The following ZNF462 variants were observed in gnomAD, a reference collection of about 807,000 sequenced individuals.
The protein encoded by ZNF462 is zinc finger PBX1-interacting protein.
A neutral mutation model predicts 201.9 loss-of-function variants in ZNF462; 10 were observed. That is an observed-to-expected ratio of 0.05 (90% CI 0.03 to 0.08). The LOEUF (loss-of-function observed/expected upper bound fraction) is 0.08. ZNF462 is among the 10% of genes least tolerant of loss of function. The probability of loss-of-function intolerance (pLI) is 1.00; values close to 1 mark genes in which losing one functional copy is unlikely to be tolerated. For missense variants in ZNF462, 2,523 were observed against 3,168.3 expected (o/e 0.80, Z 4.89); for synonymous variants, 1,227 against 1,193.3 (o/e 1.03, Z -0.58).
At position 106,932,173 on chromosome 9, in the gene ZNF462, G is replaced by C; in HGVS notation, c.6013-273G>C. On this transcript the variant is annotated intron_variant, in intron 4 of 12. Coordinates refer to ENST00000277225, the MANE Select transcript of ZNF462 (RefSeq NM_021224.6). This position sits in a 1 kb window ranked among gnomAD's most constrained non-coding sequence, Gnocchi z 6.8. ...TGACAAGAAGTGCTGTTGAGTTTGGGAGAATGTAGGGAGAAAAAGAAAGCT... is the reference window on the plus strand; with the variant it reads ...TGACAAGAAGTGCTGTTGAGTTTGGCAGAATGTAGGGAGAAAAAGAAAGCT... The C allele has an allele frequency of 6.6e-7, 1 of 1,506,526 alleles. No individual in the cohort carries two copies. Among genetic ancestry groups the C allele is most frequent in the East Asian group, 2.5e-5 (1 of 40,784 alleles). 93.3% of individuals were successfully genotyped at this position (1,506,526 alleles called of 1,614,324 possible). A position where few individuals can be genotyped will look rare whatever the true frequency, so the allele number is the denominator to read the frequency against.
chr9:106,934,621 G>A (rs182976101), intron 5 of ZNF462, among the ~76,000 whole-genome samples: 2 of 152,328 alleles, frequency 1.3e-5, no homozygotes, highest in South Asian at 2.1e-4. Flanking sequence ...GAGCTGTCCA[G>A]GGGCAATTGA....
At chr9:106,996,436 TA>T (rs1486519626) in intron 10 of ZNF462, among the ~76,000 whole-genome samples, 3 of 152,184 alleles carry the variant, frequency 2.0e-5, no homozygotes, top group African/African-American at 7.2e-5. Context: ...ACCAACAGTG[TA>T]AAAGTGTTCC....
chr9:106,987,409 G>A (rs916414546), intron 10 of ZNF462, among the ~76,000 whole-genome samples: 15 of 152,254 alleles, frequency 9.9e-5, no homozygotes, highest in African/African-American at 3.4e-4. Context: ...GCATTTCCCT[G>A]ATCATTAGTG....
upstream of ZNF462, among the ~76,000 whole-genome samples, chr9:106,861,150 G>A (rs1827055465): frequency 6.6e-6 from 1 of 152,038 alleles, no homozygotes; most frequent in Non-Finnish European, 1.5e-5. Flanking sequence ...TTTTCAATGT[G>A]AGTGGGAGGA....
At chr9:106,987,024 GATA>G (rs1564154223) in intron 10 of ZNF462, among the ~76,000 whole-genome samples, 40 of 147,500 alleles carry the variant, frequency 2.7e-4, no homozygotes, top group African/African-American at 9.9e-4. Flanking sequence ...TAGATAGATA[GATA>G]GATAGATAGA....
intron 9 of ZNF462, among the ~76,000 whole-genome samples, chr9:106,976,914 AACCCAGGCTTGTCTG>A (rs1359426936): frequency 6.6e-6 from 1 of 152,204 alleles, no homozygotes; most frequent in East Asian, 1.9e-4. Context: ...CTGGGATTTA[AACCCAGGCTTGTCTG>A]ACCCACAGCT....
intron 1 of ZNF462, among the ~76,000 whole-genome samples, chr9:106,894,060 A>G (rs148852352): frequency 1.9e-4 from 29 of 152,368 alleles, no homozygotes; most frequent in African/African-American, 5.3e-4. Context: ...TTATAATCCT[A>G]TGAAATAGTA....
chr9:106,924,946 A>C lies in ZNF462; in HGVS notation c.1034A>C (p.Gln345Pro). 1 of 1,614,222 alleles carries C rather than the reference A, an allele frequency of 6.2e-7. No individual in the cohort carries two copies. The highest frequency in any genetic ancestry group is 2.2e-5 in the East Asian group (1 of 44,884). ...AAGTTTTCGCCCATGTCTTACCCTC[A>C]GATGAAGCCGAAGTCACCTCACAAT... ...ASKFSPMSYPQMKPKSPHNSG... is the reference protein window; with the variant it reads ...ASKFSPMSYPPMKPKSPHNSG... The change falls in exon 3 of 13, where the codon CAG (glutamine) becomes CCG (proline). Residue 345 changes from glutamine (Q) to proline (P), a missense_variant. Physicochemically the swap from Gln to Pro is moderately conservative, Grantham distance 76 (BLOSUM62 -1). Transcript: ENST00000277225. This position sits in a 1 kb window ranked among gnomAD's most constrained non-coding sequence, Gnocchi z 6.2.
In ZNF462 at chr9:106,880,086, G is replaced by A. The variant is rs563491543; in HGVS notation, c.-31+16731G>A. Among the ~76,000 whole-genome samples the A allele has an allele frequency of 2.0e-5, 3 of 152,238 alleles. No homozygotes were observed. In the East Asian group the frequency reaches 5.8e-4, roughly 29 times the overall value. On this transcript the variant is annotated intron_variant, in intron 1 of 12. Coordinates refer to ENST00000277225, the MANE Select transcript of ZNF462 (RefSeq NM_021224.6). This position sits in a 1 kb window ranked among gnomAD's most constrained non-coding sequence, Gnocchi z 4.1. ...CATTCAAGGCATGGAGTATTCCAGA[G>A]CTTTCCTAGGAATGGGACAAACAGA... is the stretch of plus-strand genomic sequence containing the variant.
chr9:106,995,225 A>T (rs1287750853), intron 10 of ZNF462, among the ~76,000 whole-genome samples: 1 of 152,094 alleles, frequency 6.6e-6, no homozygotes, highest in Admixed American at 6.6e-5. Context: ...GACTTTTGCT[A>T]AGTTAGGTAT....
At chr9:106,898,443 A>G (rs1193017004) in intron 1 of ZNF462, among the ~76,000 whole-genome samples, 2 of 152,074 alleles carry the variant, frequency 1.3e-5, no homozygotes, top group African/African-American at 2.4e-5. Flanking sequence ...GTCATTTGGT[A>G]GTGTCTCCAG....
chr9:106,871,655 T>C (rs1747225900), intron 1 of ZNF462, among the ~76,000 whole-genome samples: 1 of 152,170 alleles, frequency 6.6e-6, no homozygotes, highest in Non-Finnish European at 1.5e-5. Context: ...AAAAATAGAA[T>C]TGGGTTTGGA....
chr9:106,950,571 CA>C lies in ZNF462; in HGVS notation c.6427+11466del, dbSNP rs1831298353. Reference sequence around the variant, plus strand: ...TGCATGTAAGCAAGAGTAATGCCATCAATATGTCTATTAGAAGAAACATAAT... The same window carrying C: ...TGCATGTAAGCAAGAGTAATGCCATCATATGTCTATTAGAAGAAACATAAT... On this transcript the variant is annotated intron_variant, in intron 7 of 12. Coordinates refer to ENST00000277225, the MANE Select transcript of ZNF462 (RefSeq NM_021224.6). This position sits in a 1 kb window ranked among gnomAD's most constrained non-coding sequence, Gnocchi z 4.1. 6.6e-6 allele frequency among the ~76,000 whole-genome samples: 1 copy of C among 152,132 alleles called. No individual in the cohort carries two copies. The highest frequency in any genetic ancestry group is 1.5e-5 in the Non-Finnish European group (1 of 68,028).
upstream of ZNF462, among the ~76,000 whole-genome samples, chr9:106,861,677 A>G (rs1357080454): frequency 6.6e-6 from 1 of 152,212 alleles, no homozygotes; most frequent in Non-Finnish European, 1.5e-5. Flanking sequence ...TTGATACTGT[A>G]GAACCCCCAT....
rs1252902884 is a variant in ZNF462, at chr9:106,883,335, G to A, written c.-31+19980G>A. ...GTTAAAGCAAGACTAGGATAATAGC[G>A]GGAAAGTCAAAGCCTTTCTAAAGCA... On this transcript the variant is annotated intron_variant, in intron 1 of 12. Transcript: ENST00000277225. The surrounding 1 kb of genome is among the most constrained non-coding windows in gnomAD (Gnocchi z 4.9). Among the ~76,000 whole-genome samples the A allele has an allele frequency of 6.6e-6, 1 of 152,180 alleles. No homozygotes were observed. The highest frequency in any genetic ancestry group is 6.5e-5 in the Admixed American group (1 of 15,276).
chr9:106,894,843 G>T (rs1454707984), intron 1 of ZNF462, among the ~76,000 whole-genome samples: 2 of 152,138 alleles, frequency 1.3e-5, no homozygotes, highest in Non-Finnish European at 2.9e-5. Flanking sequence ...GATAAATATT[G>T]TAAGTTTTCT....
rs779406516 is a variant in ZNF462, at chr9:106,927,749, A to G, written c.3837A>G (p.Ala1279=). The change falls in exon 3 of 13, where the codon GCA becomes GCG. Residue 1279 remains alanine, a synonymous_variant. Coordinates refer to ENST00000277225, the MANE Select transcript of ZNF462 (RefSeq NM_021224.6). The part of the protein sequence containing the change: ...QCSYTSPYFY[A]LRKHIKKDHP... The stretch of plus-strand genomic sequence containing the variant: ...CATATACCTCCCCCTACTTCTATGC[A>G]CTGAGGAAGCATATCAAGAAAGACC... The G allele has an allele frequency of 6.2e-6, 10 of 1,613,926 alleles. No individual in the cohort carries two copies. Among genetic ancestry groups the G allele is most frequent in the Non-Finnish European group, 8.5e-6 (10 of 1,180,020 alleles).
At chr9:106,907,735 A>C (rs7020564) in intron 1 of ZNF462, among the ~76,000 whole-genome samples, 16 of 151,844 alleles carry the variant, frequency 1.1e-4, no homozygotes, top group Admixed American at 7.9e-4. Context: ...TTTGTTTTTA[A>C]TGTAGTCAAA....
At chr9:106,879,333 C>CCT (rs1554693596) in intron 1 of ZNF462, among the ~76,000 whole-genome samples, 1 of 30,254 alleles carries the variant, frequency 3.3e-5, no homozygotes, top group Non-Finnish European at 5.7e-5. Context: ...ATGCTTTCCA[C>CCT]CCCCCCCCCC....
Sources: gnomAD v4.1 joint callset for allele counts (sites outside exome capture counted in the v4.1 genomes callset) on GRCh38, gnomAD v4.1.1 for gene constraint, Gnocchi (gnomAD v3.1) non-coding constraint, MANE v1.5 for transcripts, NCBI Gene and HGNC (gene_info 2026-07-23, HGNC 2026-07-21) for gene names.